Variants in CD58 observed in about 807,000 individuals in gnomAD.
CD58 encodes lymphocyte function-associated antigen 3.
Under a neutral mutation model 27.6 loss-of-function variants are expected in CD58, and 14 were observed. The ratio of observed to expected loss-of-function variants is 0.51; its 90% CI spans 0.34 to 0.79. The LOEUF (loss-of-function observed/expected upper bound fraction) is 0.79, where lower values mean the gene tolerates loss of function less well. Among genes scored for constraint, CD58 ranks in the 30% least tolerant of loss-of-function variants. CD58 has a pLI of 0.02. For synonymous variants in CD58, 117 were observed against 103.8 expected (o/e 1.13, Z -0.77); for missense variants, 268 against 301.7 (o/e 0.89, Z 0.83).
In CD58 at chr1:116,546,580, T is replaced by C. The variant is rs924052226; in HGVS notation, c.71-1976A>G. On this transcript the variant is annotated intron_variant, in intron 1 of 5. Coordinates refer to ENST00000369489, the MANE Select transcript of CD58 (RefSeq NM_001779.3). The surrounding 1 kb of genome is among the most constrained non-coding windows in gnomAD (Gnocchi z 4.1). ...TGTCTTATAAATGTAAATGAAACAA[T>C]GAGTGATAGAGGGCAGGGTGGTGGT... Among the ~76,000 whole-genome samples the C allele has an allele frequency of 3.3e-5, 5 of 152,128 alleles. No homozygotes were observed. The highest frequency in any genetic ancestry group is 2.1e-4 in the South Asian group (1 of 4,830).
intron 5 of CD58, 125 bp from the exon 6 acceptor site, chr1:116,514,947 G>A: frequency 3.2e-6 from 2 of 622,518 alleles, no homozygotes; most frequent in Admixed American, 3.3e-5. Flanking sequence ...TCAAAGCCAA[G>A]GGAGCTAGGG....
In CD58 at chr1:116,521,787, T is replaced by C. The variant is rs1657270499; in HGVS notation, c.706+119A>G. The C allele has an allele frequency of 1.4e-6, 1 of 702,970 alleles. No individual in the cohort carries two copies. Among genetic ancestry groups the C allele is most frequent in the African/African-American group, 1.8e-5 (1 of 54,950 alleles). The allele number at this position is 702,970 out of a possible 1,614,324, so 43.5% of individuals were successfully genotyped here. On this transcript the variant is annotated intron_variant, in intron 4 of 5. Transcript: ENST00000369489. This position sits in a 1 kb window ranked among gnomAD's most constrained non-coding sequence, Gnocchi z 5.6. ...GTCCCACACACGTAAAGCAAAAAAG[T>C]TTTTGTTTCTTTTCAAATGTCTAAA...
chr1:116,538,191 T>TA lies in CD58; in HGVS notation c.365-1964dup, dbSNP rs1019234625. Among the ~76,000 whole-genome samples the TA allele has an allele frequency of 7.9e-5, 12 of 152,312 alleles. No homozygotes were observed. The highest frequency in any genetic ancestry group is 2.9e-4 in the African/African-American group (12 of 41,558). ...ATACTTCCTTAAGATTTTCTTTAAT[T>TA]AAAAAGACTTTTAATCATCTTTTAA... On this transcript the variant is annotated intron_variant, in intron 2 of 5. Coordinates refer to ENST00000369489, the MANE Select transcript of CD58 (RefSeq NM_001779.3). The surrounding 1 kb of genome is among the most constrained non-coding windows in gnomAD (Gnocchi z 4.7).
intron 2 of CD58, among the ~76,000 whole-genome samples, chr1:116,540,556 A>C (rs1170327340): frequency 1.3e-5 from 2 of 152,112 alleles, no homozygotes; most frequent in Non-Finnish European, 2.9e-5. Flanking sequence ...TCTTCCAAAA[A>C]TGTATTTTAT....
chr1:116,549,971 A>G (rs1269254227), intron 1 of CD58, among the ~76,000 whole-genome samples: 1 of 152,234 alleles, frequency 6.6e-6, no homozygotes, highest in Admixed American at 6.5e-5. Context: ...TAAAGTGTTC[A>G]ATAGCATTAT....
chr1:116,566,277 A>G (rs1658934362), intron 1 of CD58, among the ~76,000 whole-genome samples: 1 of 152,228 alleles, frequency 6.6e-6, no homozygotes, highest in South Asian at 2.1e-4. Flanking sequence ...AGGAAAATAT[A>G]CTGATGCTAC....
intron 3 of CD58, chr1:116,533,563 A>G (rs1557835454): frequency 5.6e-6 from 4 of 717,314 alleles, no homozygotes; most frequent in African/African-American, 1.7e-5. Flanking sequence ...TTCCTGGACT[A>G]ATTCACTTAG....
Position 116,519,777 on chromosome 1 carries a change from T to C in CD58, c.707-510A>G, listed in dbSNP as rs1258651563. Among the ~76,000 whole-genome samples, 1 of 152,220 alleles carries C rather than the reference T, an allele frequency of 6.6e-6. No homozygotes were observed. The highest frequency in any genetic ancestry group is 1.5e-5 in the Non-Finnish European group (1 of 68,042). On this transcript the variant is annotated intron_variant, in intron 4 of 5. Transcript: ENST00000369489. This position sits in a 1 kb window ranked among gnomAD's most constrained non-coding sequence, Gnocchi z 4.7. ...ACACACGGTCTTAGAAACATATTATTTTACACTCACAGCACATGATAATTT... is the reference window on the plus strand; with the variant it reads ...ACACACGGTCTTAGAAACATATTATCTTACACTCACAGCACATGATAATTT...
intron 1 of CD58, among the ~76,000 whole-genome samples, chr1:116,565,924 A>G (rs964418427): frequency 7.2e-5 from 11 of 152,072 alleles, no homozygotes; most frequent in African/African-American, 2.4e-4. Context: ...TCACTGCGTT[A>G]GCCAGGATGG....
At position 116,550,793 on chromosome 1, in the gene CD58, C is replaced by T. The variant is rs1441118328; in HGVS notation, c.71-6189G>A. On this transcript the variant is annotated intron_variant, in intron 1 of 5. Transcript: ENST00000369489. The surrounding 1 kb of genome is among the most constrained non-coding windows in gnomAD (Gnocchi z 4.2). ...CAGCTATAGCCTTACCAAGTGTATT[C>T]CTACATAATAAGACTTCAAAGGCAA... is the stretch of plus-strand genomic sequence containing the variant. 2.4e-4 allele frequency among the ~76,000 whole-genome samples: 37 copies of T among 152,026 alleles called. No individual in the cohort carries two copies. The highest frequency in any genetic ancestry group is 2.4e-3 in the Admixed American group (37 of 15,248).
At chr1:116,537,548 G>A (rs1055270012) in intron 2 of CD58, among the ~76,000 whole-genome samples, 2 of 152,178 alleles carry the variant, frequency 1.3e-5, no homozygotes, top group East Asian at 3.8e-4. Context: ...GCAGGGAGCA[G>A]CATGTGTCAC....
chr1:116,547,912 A>C (rs1658250971), intron 1 of CD58, among the ~76,000 whole-genome samples: 1 of 152,198 alleles, frequency 6.6e-6, no homozygotes, highest in Admixed American at 6.5e-5. Context: ...TTACATTCCC[A>C]CCAGCAGTGT....
chr1:116,550,180 G>A lies in CD58; in HGVS notation c.71-5576C>T, dbSNP rs970910652. Among the ~76,000 whole-genome samples the A allele has an allele frequency of 6.6e-6, 1 of 152,188 alleles. No homozygotes were observed. Among genetic ancestry groups the A allele is most frequent in the Non-Finnish European group, 1.5e-5 (1 of 68,034 alleles). ...TGGCTGTGGCAATTTCTTAAAAGAA[G>A]ACAATGATGAGTTTTGCTGCATCAA... On this transcript the variant is annotated intron_variant, in intron 1 of 5. Coordinates refer to ENST00000369489, the MANE Select transcript of CD58 (RefSeq NM_001779.3). The surrounding 1 kb of genome is among the most constrained non-coding windows in gnomAD (Gnocchi z 4.2).
In CD58 at chr1:116,528,835, C is replaced by G. The variant is rs1034294519; in HGVS notation, c.629-6852G>C. Among the ~76,000 whole-genome samples, 45 of 152,320 alleles carry G rather than the reference C, an allele frequency of 3.0e-4. No individual in the cohort carries two copies. The highest frequency in any genetic ancestry group is 1.0e-3 in the African/African-American group (42 of 41,580). On this transcript the variant is annotated intron_variant, in intron 3 of 5. Coordinates refer to ENST00000369489, the MANE Select transcript of CD58 (RefSeq NM_001779.3). The surrounding 1 kb of genome is among the most constrained non-coding windows in gnomAD (Gnocchi z 4.4). ...CTCTTCTTACTTAAAGCCCAGGAAT[C>G]TGGTTCCTACCCTCATCTATTCACA...
Position 116,534,019 on chromosome 1 carries a change from T to C in CD58, c.628+1946A>G. 7.8e-7 allele frequency: 1 copy of C among 1,277,000 alleles called. No homozygotes were observed. Among genetic ancestry groups the C allele is most frequent in the South Asian group, 1.2e-5 (1 of 83,594 alleles). The allele number at this position is 1,277,000 out of a possible 1,614,324, so 79.1% of individuals were successfully genotyped here. On this transcript the variant is annotated intron_variant, in intron 3 of 5. Coordinates refer to ENST00000369489, the MANE Select transcript of CD58 (RefSeq NM_001779.3). This position sits in a 1 kb window ranked among gnomAD's most constrained non-coding sequence, Gnocchi z 5.3. ...CTGCATCACCTGATCCGTGAGCTTT[T>C]CCGTCTTACTTGCATTTTTAGCAGC...
intron 1 of CD58, among the ~76,000 whole-genome samples, chr1:116,567,861 A>T (rs1450510403): frequency 1.3e-5 from 2 of 152,196 alleles, no homozygotes; most frequent in Non-Finnish European, 2.9e-5. Context: ...CATCTCCAAT[A>T]ATGTGACAAA....
At chr1:116,537,794 G>A (rs888976130) in intron 2 of CD58, among the ~76,000 whole-genome samples, 1 of 152,088 alleles carries the variant, frequency 6.6e-6, no homozygotes, top group Non-Finnish European at 1.5e-5. Context: ...AGAGGCCTGA[G>A]GAAACATGCA....
At chr1:116,535,697 C>T (rs545943355) in intron 3 of CD58, among the ~76,000 whole-genome samples, 7 of 130,482 alleles carry the variant, frequency 5.4e-5, no homozygotes, top group African/African-American at 9.4e-5. Context: ...AAAAATTAGC[C>T]GGGCGTGGTG....
At chr1:116,547,467 A>C (rs1423704787) in intron 1 of CD58, among the ~76,000 whole-genome samples, 2 of 151,556 alleles carry the variant, frequency 1.3e-5, no homozygotes, top group Non-Finnish European at 2.9e-5. Context: ...CTGGGACTAC[A>C]GGCGCCCACC....
Sources: gnomAD v4.1 joint callset for allele counts (sites outside exome capture counted in the v4.1 genomes callset) on GRCh38, gnomAD v4.1.1 for gene constraint, Gnocchi (gnomAD v3.1) non-coding constraint, MANE v1.5 for transcripts, NCBI Gene and HGNC (gene_info 2026-07-23, HGNC 2026-07-21) for gene names.